RBFOX1: variants seen among roughly 807,000 people sequenced by gnomAD.
RBFOX1 encodes RNA binding fox-1 homolog 1.
A neutral mutation model predicts 57.7 loss-of-function variants in RBFOX1; 8 were observed. The observed-to-expected ratio is 0.14, with a 90% confidence interval of 0.08 to 0.25. The LOEUF (loss-of-function observed/expected upper bound fraction) is 0.25, where lower values mean the gene tolerates loss of function less well. RBFOX1 is among the 10% of genes least tolerant of loss of function. The probability of loss-of-function intolerance (pLI) is 1.00; values close to 1 mark genes in which losing one functional copy is unlikely to be tolerated. For synonymous variants in RBFOX1, 326 were observed against 222.4 expected (o/e 1.47, Z -4.15); for missense variants, 611 against 548.5 (o/e 1.11, Z -1.14).
chr16:6,558,504 G>A (rs2097135468), intron 2 of RBFOX1, among the ~76,000 whole-genome samples: 1 of 152,116 alleles, frequency 6.6e-6, no homozygotes, highest in Non-Finnish European at 1.5e-5. Context: ...CACGTTGGAA[G>A]GACATTGGAA....
intron 1 of RBFOX1, among the ~76,000 whole-genome samples, chr16:6,075,632 A>G (rs929787571): frequency 3.3e-5 from 5 of 152,234 alleles, no homozygotes; most frequent in Non-Finnish European, 5.9e-5. Context: ...TAATCAGGGC[A>G]TAAATCAAGA....
At chr16:6,855,199 AG>A (rs2057607997) in intron 3 of RBFOX1, among the ~76,000 whole-genome samples, 3 of 152,190 alleles carry the variant, frequency 2.0e-5, no homozygotes, top group African/African-American at 4.8e-5. Flanking sequence ...TACCCAATAT[AG>A]TACCTGGCAA....
intron 2 of RBFOX1, among the ~76,000 whole-genome samples, chr16:5,557,633 C>CA (rs1190609881): frequency 6.6e-6 from 1 of 152,060 alleles, no homozygotes; most frequent in Non-Finnish European, 1.5e-5. Flanking sequence ...AAAGCATGTG[C>CA]AAAGGCCCTG....
chr16:6,409,797 C>G (rs2093399679), intron 2 of RBFOX1, among the ~76,000 whole-genome samples: 1 of 152,192 alleles, frequency 6.6e-6, no homozygotes, highest in African/African-American at 2.4e-5. Flanking sequence ...TGACTCTTCT[C>G]TTCCCCTAGC....
chr16:6,550,676 G>A (rs745813457), intron 2 of RBFOX1, among the ~76,000 whole-genome samples: 30 of 152,186 alleles, frequency 2.0e-4, no homozygotes, highest in Admixed American at 8.5e-4. Flanking sequence ...TTTCCAGCAT[G>A]AGCCAAAATC....
intron 3 of RBFOX1, among the ~76,000 whole-genome samples, chr16:5,641,210 C>G (rs546471960): frequency 4.6e-5 from 7 of 152,300 alleles, no homozygotes; most frequent in Non-Finnish European, 8.8e-5. Flanking sequence ...GCACACCATG[C>G]ATACATACAT....
At chr16:6,304,845 C>T (rs2079268351) in intron 1 of RBFOX1, among the ~76,000 whole-genome samples, 1 of 128,316 alleles carries the variant, frequency 7.8e-6, no homozygotes, top group African/African-American at 3.2e-5. Context: ...TGACTATACT[C>T]CAGACTGGGT....
At chr16:6,440,126 G>C (rs150962530) in intron 2 of RBFOX1, among the ~76,000 whole-genome samples, 1 of 151,708 alleles carries the variant, frequency 6.6e-6, no homozygotes, top group African/African-American at 2.4e-5. Context: ...TAGTAGAGAC[G>C]GGGCTTCACC....
At chr16:7,403,011 C>G (rs1017433338) in intron 4 of RBFOX1, among the ~76,000 whole-genome samples, 32 of 152,142 alleles carry the variant, frequency 2.1e-4, no homozygotes, top group African/African-American at 7.7e-4. Context: ...CTGGAACTCC[C>G]CGTTCACGAT....
chr16:7,227,051 T>C (rs1276467447), intron 4 of RBFOX1, among the ~76,000 whole-genome samples: 1 of 152,184 alleles, frequency 6.6e-6, no homozygotes, highest in Non-Finnish European at 1.5e-5. Flanking sequence ...GCACACTTTC[T>C]TCATTTCCCC....
intron 3 of RBFOX1, among the ~76,000 whole-genome samples, chr16:6,908,576 A>G (rs892998399): frequency 2.6e-5 from 4 of 152,194 alleles, no homozygotes; most frequent in Non-Finnish European, 5.9e-5. Context: ...TGTCTTATCC[A>G]TGTGCCTGGC....
chr16:6,557,710 A>T (rs1407138858), intron 2 of RBFOX1, among the ~76,000 whole-genome samples: 5 of 152,204 alleles, frequency 3.3e-5, no homozygotes, highest in Non-Finnish European at 7.3e-5. Flanking sequence ...TGCAGCCCAG[A>T]AGTTGCATAA....
chr16:6,212,665 C>A (rs1406100574), intron 1 of RBFOX1, among the ~76,000 whole-genome samples: 1 of 152,090 alleles, frequency 6.6e-6, no homozygotes, highest in East Asian at 1.9e-4. Flanking sequence ...TGAGATCGTG[C>A]CACTGCACTC....
chr16:7,270,140 A>G (rs1370155415), intron 4 of RBFOX1, among the ~76,000 whole-genome samples: 1 of 152,170 alleles, frequency 6.6e-6, no homozygotes, highest in Non-Finnish European at 1.5e-5. Flanking sequence ...TAAGATGGGA[A>G]CCCAGTGTAG....
At chr16:5,987,371 A>G (rs1040489205) in intron 4 of RBFOX1, among the ~76,000 whole-genome samples, 1 of 152,222 alleles carries the variant, frequency 6.6e-6, no homozygotes, top group Admixed American at 6.5e-5. Context: ...TCTGCACAGC[A>G]AAGGTTTTTA....
chr16:6,031,827 G>C (rs150843002), intron 1 of RBFOX1, among the ~76,000 whole-genome samples: 1 of 152,244 alleles, frequency 6.6e-6, no homozygotes, highest in Non-Finnish European at 1.5e-5. Flanking sequence ...ATCCCTCCTG[G>C]ACTGATCCCT....
chr16:6,952,385 A>G (rs1431764085), intron 3 of RBFOX1, among the ~76,000 whole-genome samples: 4 of 152,148 alleles, frequency 2.6e-5, no homozygotes, highest in Non-Finnish European at 4.4e-5. Flanking sequence ...GGTGGTTCAC[A>G]CCTGTAATCC....
At chr16:7,075,738 G>A (rs578071871) in intron 4 of RBFOX1, among the ~76,000 whole-genome samples, 2 of 151,924 alleles carry the variant, frequency 1.3e-5, no homozygotes, top group African/African-American at 4.8e-5. Context: ...CTGCCACCAC[G>A]CTCGGCTAAT....
At chr16:5,968,428 G>T (rs947638697) in intron 4 of RBFOX1, among the ~76,000 whole-genome samples, 1 of 152,142 alleles carries the variant, frequency 6.6e-6, no homozygotes. Context: ...CTGAGTTACT[G>T]CATGTTGTTT....
Sources: gnomAD v4.1 joint callset for allele counts (sites outside exome capture counted in the v4.1 genomes callset) on GRCh38, gnomAD v4.1.1 for gene constraint, MANE v1.5 for transcripts, NCBI Gene and HGNC (gene_info 2026-07-23, HGNC 2026-07-21) for gene names.